The following NCR1 variants were observed in gnomAD, a reference collection of about 807,000 sequenced individuals.
The protein encoded by NCR1 is NK cell-activating receptor.
NCR1 carries 30 observed loss-of-function variants against 32.5 expected under a neutral mutation model. The ratio of observed to expected loss-of-function variants is 0.92; its 90% CI spans 0.69 to 1.25. The LOEUF (loss-of-function observed/expected upper bound fraction) is 1.25. Among genes scored for constraint, NCR1 ranks in the 50% most tolerant of loss-of-function variants. NCR1 has a pLI of 0.00. For missense variants in NCR1, 369 were observed against 380.7 expected (o/e 0.97, Z 0.26); for synonymous variants, 169 against 143.4 (o/e 1.18, Z -1.28).
downstream of NCR1, among the ~76,000 whole-genome samples, chr19:54,918,093 G>C (rs974666284): frequency 9.2e-5 from 14 of 151,780 alleles, no homozygotes; most frequent in Non-Finnish European, 2.9e-5. Flanking sequence ...CCGCCACCTA[G>C]CCCGGCTAAT....
At chr19:54,905,383 C>T (rs1025869478), upstream of NCR1, among the ~76,000 whole-genome samples, 4 of 151,708 alleles carry the variant, frequency 2.6e-5, no homozygotes, top group African/African-American at 9.7e-5. Context: ...GTGCACCGGC[C>T]CCAGTCAGAT....
At chr19:54,925,955 G>A in the NCR1 span, among the ~76,000 whole-genome samples, 34 of 151,190 alleles carry the variant, frequency 2.2e-4, no homozygotes, top group Admixed American at 4.6e-4. Flanking sequence ...AGCCGAGATC[G>A]CACCGCTTCA....
the NCR1 span, among the ~76,000 whole-genome samples, chr19:54,937,496 A>T: frequency 6.6e-6 from 1 of 151,960 alleles, no homozygotes; most frequent in South Asian, 2.1e-4. Context: ...GTTCGAGACA[A>T]GCCTGGCCAA....
the NCR1 span, among the ~76,000 whole-genome samples, chr19:54,924,679 T>C: frequency 2.6e-5 from 4 of 152,098 alleles, no homozygotes; most frequent in African/African-American, 9.7e-5. Context: ...CTCACGCCTA[T>C]AATTCCAGCA....
chr19:54,913,449 C>G (rs8109357), downstream of NCR1, among the ~76,000 whole-genome samples: 3,024 of 152,300 alleles, frequency 0.02, 96 homozygotes, highest in African/African-American at 0.068. Flanking sequence ...CCACTCTGGT[C>G]TTTTCTGAAA....
In NCR1 at chr19:54,906,599, C is replaced by T; in HGVS notation, c.147C>T (p.Cys49=). The part of the protein sequence containing the change: ...VPKEKQVTIC[C]QGNYGAVEYQ... ...AGGAAAAGCAAGTGACCATCTGTTG[C>T]CAGGGAAATTATGGGGCTGTTGAAT... The change falls in exon 3 of 7, where the codon TGC becomes TGT. Residue 49 remains cysteine, a synonymous_variant. Coordinates refer to ENST00000291890, the MANE Select transcript of NCR1 (RefSeq NM_004829.7). 4 of 1,614,076 alleles carry T rather than the reference C, an allele frequency of 2.5e-6. No individual in the cohort carries two copies. The highest frequency in any genetic ancestry group is 2.5e-6 in the Non-Finnish European group (3 of 1,180,054).
the NCR1 span, among the ~76,000 whole-genome samples, chr19:54,925,330 C>T: frequency 1.2e-4 from 18 of 152,124 alleles, no homozygotes; most frequent in Admixed American, 1.2e-3. Context: ...TCATGATATA[C>T]CCCTAAAACC....
At chr19:54,933,528 G>C in the NCR1 span, 2 of 1,605,924 alleles carry the variant, frequency 1.2e-6, no homozygotes, top group Non-Finnish European at 1.7e-6. Context: ...TCTCCTGCTT[G>C]AATTCATGTG....
intron 2 of NCR1, 89 bp downstream of exon 2, chr19:54,906,423 G>T: frequency 1.2e-6 from 2 of 1,601,460 alleles, no homozygotes; most frequent in South Asian, 2.2e-5. Context: ...AGGGGACAGG[G>T]TGCTGGCTTC....
At chr19:54,924,817 T>C in the NCR1 span, among the ~76,000 whole-genome samples, 1 of 152,098 alleles carries the variant, frequency 6.6e-6, no homozygotes, top group African/African-American at 2.4e-5. Flanking sequence ...ACAACTGTAA[T>C]ACCAGCTACT....
the NCR1 span, among the ~76,000 whole-genome samples, chr19:54,900,315 T>A: frequency 6.6e-6 from 1 of 152,058 alleles, no homozygotes; most frequent in African/African-American, 2.4e-5. Context: ...TGCGGCCGTT[T>A]TATAGGATTT....
the NCR1 span, among the ~76,000 whole-genome samples, chr19:54,931,192 C>T: frequency 1.3e-5 from 2 of 152,012 alleles, no homozygotes; most frequent in Admixed American, 6.6e-5. Context: ...GAGGCCAAGA[C>T]GGGCAGATCA....
chr19:54,935,494 G>C, the NCR1 span, among the ~76,000 whole-genome samples: 8 of 152,024 alleles, frequency 5.3e-5, no homozygotes, highest in Non-Finnish European at 1.0e-4. Flanking sequence ...TCAGGAGTTC[G>C]AGACCAGCCT....
the NCR1 span, chr19:54,936,249 C>T: frequency 7.2e-4 from 1,160 of 1,611,612 alleles, 6 homozygotes; most frequent in African/African-American, 0.013. Flanking sequence ...GAGCCGTGAC[C>T]GTGAGACCCA....
At chr19:54,934,903 G>A in the NCR1 span, among the ~76,000 whole-genome samples, 3 of 152,012 alleles carry the variant, frequency 2.0e-5, no homozygotes, top group Admixed American at 1.3e-4. The surrounding 1 kb of genome is among the most constrained non-coding windows in gnomAD (Gnocchi z 6.7). Context: ...CACCATGTTG[G>A]CCACACTGGT....
In NCR1 at chr19:54,906,767, C is replaced by G. The variant is rs777074039; in HGVS notation, c.315C>G (p.Leu105=). The G allele has an allele frequency of 1.2e-6, 2 of 1,614,172 alleles. No homozygotes were observed. Among genetic ancestry groups the G allele is most frequent in the Non-Finnish European group, 1.7e-6 (2 of 1,180,032 alleles). ...QYSCIYRVGE[L]WSEPSNLLDL... ...GCTGCATCTATCGGGTTGGGGAGCT[C>G]TGGTCAGAGCCCAGCAACTTGCTGG... The change falls in exon 3 of 7, where the codon CTC becomes CTG. Residue 105 remains leucine (L), a synonymous_variant. Coordinates refer to ENST00000291890, the MANE Select transcript of NCR1 (RefSeq NM_004829.7).
the NCR1 span, chr19:54,923,514 CGA>C: frequency 1.7e-6 from 1 of 597,136 alleles, no homozygotes; most frequent in Admixed American, 2.8e-5. Flanking sequence ...GCAGCTGCAA[CGA>C]GAGTGCTCTA....
chr19:54,917,796 C>T (rs1196841309), downstream of NCR1, among the ~76,000 whole-genome samples: 1 of 152,108 alleles, frequency 6.6e-6, no homozygotes, highest in Non-Finnish European at 1.5e-5. Flanking sequence ...CCCAGGGCAG[C>T]CCCAGATGGC....
At chr19:54,903,452 A>G (rs923494497), upstream of NCR1, among the ~76,000 whole-genome samples, 66 of 109,120 alleles carry the variant, frequency 6.0e-4, no homozygotes, top group Middle Eastern at 4.3e-3. Flanking sequence ...GTATGTATAT[A>G]CATATATGTA....
Sources: allele counts gnomAD v4.1 joint callset (sites outside exome capture counted in the v4.1 genomes callset), GRCh38; gene constraint gnomAD v4.1.1; non-coding constraint Gnocchi (gnomAD v3.1); transcripts MANE v1.5; gene names NCBI Gene and HGNC (gene_info 2026-07-23, HGNC 2026-07-21).